Variants in BCAS3 observed in about 807,000 individuals in gnomAD.
The protein encoded by BCAS3 is BCAS4/BCAS3 fusion.
Under a neutral mutation model 116.1 loss-of-function variants are expected in BCAS3, and 53 were observed. The observed-to-expected ratio is 0.46, with a 90% CI of 0.37 to 0.57. The LOEUF (loss-of-function observed/expected upper bound fraction) is 0.57. BCAS3 is among the 20% of genes least tolerant of loss of function. BCAS3 has a pLI of 0.00. For missense variants in BCAS3, 917 were observed against 1,165.4 expected, an observed-to-expected ratio of 0.79 and a Z score of 3.10; for synonymous variants, 391 against 408.2, an observed-to-expected ratio of 0.96 and a Z score of 0.51.
At chr17:61,152,175 A>G (rs975545969) in intron 22 of BCAS3, among the ~76,000 whole-genome samples, 7 of 152,218 alleles carry the variant, frequency 4.6e-5, no homozygotes, top group Admixed American at 3.9e-4. Context: ...AAGCTTTCAC[A>G]GCGTGGAAGG....
chr17:60,691,567 T>C (rs915009094), intron 4 of BCAS3, among the ~76,000 whole-genome samples: 6 of 152,192 alleles, frequency 3.9e-5, no homozygotes, highest in Admixed American at 3.9e-4. Context: ...TCATGTCCAT[T>C]GCCCATTTTT....
At chr17:60,678,008 G>C (rs2032257653) in intron 1 of BCAS3, 94 bp downstream of exon 1, 1 of 153,682 alleles carries the variant, frequency 6.5e-6, no homozygotes, top group Non-Finnish European at 1.5e-5. Flanking sequence ...GCAGGAATTC[G>C]ACAGGAGAGA....
In BCAS3 at chr17:61,051,426, A is replaced by G. The variant is rs927035937; in HGVS notation, c.2029+10534A>G. Among the ~76,000 whole-genome samples the G allele has an allele frequency of 6.6e-6, 1 of 152,200 alleles. No individual in the cohort carries two copies. The highest frequency in any genetic ancestry group is 1.5e-5 in the Non-Finnish European group (1 of 68,028). On this transcript the variant is annotated intron_variant, in intron 19 of 23. Transcript: ENST00000407086. This position sits in a 1 kb window ranked among gnomAD's most constrained non-coding sequence, Gnocchi z 4.1. ...ATGTGATAAAATTGAATAGACCCTC[A>G]CACACATAAATTGAGTGTAAAACTG...
At chr17:61,133,859 C>CAAAAAA (rs11449964) in intron 22 of BCAS3, among the ~76,000 whole-genome samples, 1 of 81,904 alleles carries the variant, frequency 1.2e-5, no homozygotes, top group Non-Finnish European at 2.3e-5. Context: ...CCTGGAATCT[C>CAAAAAA]AAAAAAAAAA....
chr17:60,786,547 GTATA>G (rs72319489), intron 6 of BCAS3, among the ~76,000 whole-genome samples: 27,717 of 140,714 alleles, frequency 0.2, 4,078 homozygotes, highest in African/African-American at 0.42. Flanking sequence ...CTGCAAATGT[GTATA>G]TATATATATA....
intron 8 of BCAS3, among the ~76,000 whole-genome samples, chr17:60,873,667 T>A (rs2055330254): frequency 6.6e-6 from 1 of 152,200 alleles, no homozygotes; most frequent in Non-Finnish European, 1.5e-5. Context: ...AAATACTGCT[T>A]TTACAGATTG....
rs867264232 is a variant in BCAS3 at position 61,324,835 on chromosome 17, A to G, written c.2426-43492A>G. Among the ~76,000 whole-genome samples the G allele has an allele frequency of 6.6e-4, 101 of 152,068 alleles. No individual in the cohort carries two copies. The highest frequency in any genetic ancestry group is 2.1e-3 in the African/African-American group (86 of 41,410). On this transcript the variant is annotated intron_variant, in intron 22 of 23. Coordinates refer to ENST00000407086, the MANE Select transcript of BCAS3 (RefSeq NM_017679.5). The surrounding 1 kb of genome is among the most constrained non-coding windows in gnomAD (Gnocchi z 4.6). Reference sequence around the variant, plus strand: ...CCTCATCTCTATGAAAAAAAAAAAAAAAGAAGAAACAAAAAAGAAGATGTA... The same window carrying G: ...CCTCATCTCTATGAAAAAAAAAAAAGAAGAAGAAACAAAAAAGAAGATGTA...
intron 14 of BCAS3, among the ~76,000 whole-genome samples, chr17:60,985,141 CTTTTTTTTTT>C (rs560277871): frequency 0.089 from 10,717 of 120,400 alleles, 586 homozygotes; most frequent in Non-Finnish European, 0.12. Context: ...CAACTGTATT[CTTTTTTTTTT>C]TTTTTTTTTT....
intron 12 of BCAS3, among the ~76,000 whole-genome samples, chr17:60,912,840 T>C (rs1056257915): frequency 3.9e-5 from 6 of 152,148 alleles, no homozygotes; most frequent in Non-Finnish European, 8.8e-5. Context: ...TCCTCAACAT[T>C]GTCTAGGACC....
intron 7 of BCAS3, among the ~76,000 whole-genome samples, chr17:60,844,728 T>C (rs1429860183): frequency 6.6e-6 from 1 of 152,164 alleles, no homozygotes; most frequent in East Asian, 1.9e-4. Context: ...GGCTGGCAGA[T>C]CTTTTAATTG....
intron 6 of BCAS3, among the ~76,000 whole-genome samples, chr17:60,776,113 A>G (rs1349558725): frequency 6.6e-6 from 1 of 152,236 alleles, no homozygotes; most frequent in African/African-American, 2.4e-5. Flanking sequence ...TGGGAAATAC[A>G]TACAGTATTT....
intron 5 of BCAS3, among the ~76,000 whole-genome samples, chr17:60,726,756 G>A (rs1040974999): frequency 6.6e-6 from 1 of 152,092 alleles, no homozygotes; most frequent in African/African-American, 2.4e-5. Flanking sequence ...TGATCTGCCT[G>A]CCTCGGCCTC....
chr17:61,020,979 G>A lies in BCAS3; in HGVS notation c.1637+5078G>A, dbSNP rs10491184. Among the ~76,000 whole-genome samples the A allele has an allele frequency of 0.052, 7,873 of 152,104 alleles. 733 individuals carry two copies. The highest frequency in any genetic ancestry group is 0.18 in the African/African-American group (7,421 of 41,476). On this transcript the variant is annotated intron_variant, in intron 16 of 23. Coordinates refer to ENST00000407086, the MANE Select transcript of BCAS3 (RefSeq NM_017679.5). This position sits in a 1 kb window ranked among gnomAD's most constrained non-coding sequence, Gnocchi z 4.5. ...TAAACATGGGATGATTTGCTCTCTC[G>A]TAGGTTTCCTTTTCCTTAAATGGAA...
intron 7 of BCAS3, chr17:60,810,222 G>A (rs910075059): frequency 4.6e-6 from 2 of 438,996 alleles, no homozygotes; most frequent in Non-Finnish European, 9.0e-6. Flanking sequence ...TGGGCTCTGT[G>A]CAGGTGCCCA....
rs2059639532 is a variant in BCAS3, at chr17:60,931,451, A to G, written c.1087+6951A>G. ...CCACCACACCTTGCTAATTTTTTGTATTTTTAGTAGCGATGGCATTTCACC... is the reference window on the plus strand; with the variant it reads ...CCACCACACCTTGCTAATTTTTTGTGTTTTTAGTAGCGATGGCATTTCACC... On this transcript the variant is annotated intron_variant, in intron 13 of 23. Coordinates refer to ENST00000407086, the MANE Select transcript of BCAS3 (RefSeq NM_017679.5). Among the ~76,000 whole-genome samples the G allele has an allele frequency of 1.3e-5, 2 of 151,768 alleles. 1 individual carries two copies. Among genetic ancestry groups the G allele is most frequent in the African/African-American group, 4.8e-5 (2 of 41,266 alleles).
intron 5 of BCAS3, among the ~76,000 whole-genome samples, chr17:60,737,660 A>G (rs1242922510): frequency 6.6e-6 from 1 of 152,014 alleles, no homozygotes; most frequent in Non-Finnish European, 1.5e-5. Flanking sequence ...CCTATGTGCT[A>G]TTTAGAATTA....
rs1173010643 is a variant in BCAS3 at position 61,286,450 on chromosome 17, G to A, written c.2426-81877G>A. ...TAAATGGCCAGCAGGATAGAAATCC[G>A]ACGTGGTGTTTATGACCCTGGAGGC... is the stretch of plus-strand genomic sequence containing the variant. On this transcript the variant is annotated intron_variant, in intron 22 of 23. Transcript: ENST00000407086. This position sits in a 1 kb window ranked among gnomAD's most constrained non-coding sequence, Gnocchi z 4.8. Among the ~76,000 whole-genome samples, 2 of 152,174 alleles carry A rather than the reference G, an allele frequency of 1.3e-5. No individual in the cohort carries two copies. The highest frequency in any genetic ancestry group is 2.9e-5 in the Non-Finnish European group (2 of 68,038).
intron 6 of BCAS3, among the ~76,000 whole-genome samples, chr17:60,791,079 A>G (rs1459172835): frequency 6.6e-6 from 1 of 151,270 alleles, no homozygotes; most frequent in Non-Finnish European, 1.5e-5. Flanking sequence ...AGATCTTGCT[A>G]TATTGCCCAG....
intron 13 of BCAS3, among the ~76,000 whole-genome samples, chr17:60,933,433 A>G (rs950501040): frequency 8.5e-5 from 13 of 152,320 alleles, no homozygotes; most frequent in African/African-American, 3.1e-4. Flanking sequence ...CATTTTAAAT[A>G]ATTACCCCTC....
Sources: allele counts gnomAD v4.1 joint callset (sites outside exome capture counted in the v4.1 genomes callset), GRCh38; gene constraint gnomAD v4.1.1; non-coding constraint Gnocchi (gnomAD v3.1); transcripts MANE v1.5; gene names NCBI Gene and HGNC (gene_info 2026-07-23, HGNC 2026-07-21).